The following PLCL2 variants were observed in gnomAD, a reference collection of about 807,000 sequenced individuals.
The protein encoded by PLCL2 is phospholipase C like 2.
PLCL2 carries 4 observed loss-of-function variants against 79.6 expected under a neutral mutation model. That is an observed-to-expected ratio of 0.05 (90% confidence interval 0.02 to 0.11). The LOEUF (loss-of-function observed/expected upper bound fraction) is 0.11, where lower values mean the gene tolerates loss of function less well. Among genes scored for constraint, PLCL2 ranks in the 10% least tolerant of loss-of-function variants. PLCL2 has a pLI of 1.00. For synonymous variants in PLCL2, 484 were observed against 457.7 expected (o/e 1.06, Z -0.73); for missense variants, 895 against 1,291.0 (o/e 0.69, Z 4.70).
intron 1 of PLCL2, among the ~76,000 whole-genome samples, chr3:16,995,753 C>G (rs901578355): frequency 1.3e-5 from 2 of 152,126 alleles, no homozygotes; most frequent in African/African-American, 4.8e-5. Flanking sequence ...TTAGACAACT[C>G]TATGTGTAAT....
At chr3:16,974,132 G>C (rs1332252404) in intron 1 of PLCL2, among the ~76,000 whole-genome samples, 4 of 152,176 alleles carry the variant, frequency 2.6e-5, no homozygotes, top group African/African-American at 9.7e-5. Flanking sequence ...GAGTGAGGCA[G>C]GGCATGAGCC....
At chr3:16,951,143 A>T (rs984186054) in intron 1 of PLCL2, among the ~76,000 whole-genome samples, 1 of 152,090 alleles carries the variant, frequency 6.6e-6, no homozygotes, top group African/African-American at 2.4e-5. Context: ...TGAGTAGTTT[A>T]TGTAACATAG....
chr3:16,933,822 C>G (rs915935242), intron 1 of PLCL2, among the ~76,000 whole-genome samples: 3 of 151,994 alleles, frequency 2.0e-5, no homozygotes, highest in Non-Finnish European at 2.9e-5. Context: ...AATCCCAGCT[C>G]TCTTGGAGGC....
At chr3:17,003,111 G>T (rs369795823) in intron 1 of PLCL2, among the ~76,000 whole-genome samples, 1 of 152,032 alleles carries the variant, frequency 6.6e-6, no homozygotes, top group Non-Finnish European at 1.5e-5. Context: ...TGGCTCTGTT[G>T]ATTGCTTTAT....
intron 1 of PLCL2, among the ~76,000 whole-genome samples, chr3:16,926,957 G>A (rs1697271638): frequency 6.6e-6 from 1 of 151,898 alleles, no homozygotes; most frequent in South Asian, 2.1e-4. Context: ...AAGGAAGAAC[G>A]GGAAGTGGGT....
chr3:17,052,255 T>C (rs201595125), intron 4 of PLCL2, among the ~76,000 whole-genome samples: 2 of 126,434 alleles, frequency 1.6e-5, no homozygotes, highest in African/African-American at 5.9e-5. Flanking sequence ...AAAAAAAAAT[T>C]GGGGGGGGGT....
chr3:17,014,903 T>C lies in PLCL2; in HGVS notation c.3010T>C (p.Tyr1004His). Residue 1004 changes from tyrosine (Y) to histidine (H), a missense_variant, in exon 3 of 6, where the codon TAT (tyrosine) becomes CAT (histidine). Around this residue, in one of 6 missense-constraint regions of PLCL2, gnomAD observed 298 missense variants for 459.6 expected, o/e 0.65. Transcript: ENST00000615277. ...PEVLKKIVTT[Y>H]DMMIQSLKAL... ...GGTTCTGAAGAAGATCGTAACAACT[T>C]ATGACATGGTGAGTTGTCCTTTGTC... 1 of 1,612,522 alleles carries C rather than the reference T, an allele frequency of 6.2e-7. No homozygotes were observed. The highest frequency in any genetic ancestry group is 8.5e-7 in the Non-Finnish European group (1 of 1,178,658).
chr3:16,915,219 A>C (rs1473737306), intron 1 of PLCL2, among the ~76,000 whole-genome samples: 1 of 152,202 alleles, frequency 6.6e-6, no homozygotes, highest in East Asian at 1.9e-4. Context: ...TCTTCTCGCT[A>C]TGAGGTTCAT....
At chr3:17,074,696 A>C (rs1358766031) in intron 5 of PLCL2, among the ~76,000 whole-genome samples, 1 of 152,214 alleles carries the variant, frequency 6.6e-6, no homozygotes, top group Non-Finnish European at 1.5e-5. Flanking sequence ...TGGGTAACTC[A>C]CTGCACCTTC....
chr3:16,945,791 A>G (rs1256355227), intron 1 of PLCL2, among the ~76,000 whole-genome samples: 1 of 152,244 alleles, frequency 6.6e-6, no homozygotes, highest in Non-Finnish European at 1.5e-5. Flanking sequence ...GCAAATTTGT[A>G]GACCCTGGGG....
At chr3:16,931,427 T>C (rs756006764) in intron 1 of PLCL2, among the ~76,000 whole-genome samples, 13 of 152,144 alleles carry the variant, frequency 8.5e-5, no homozygotes, top group East Asian at 1.9e-4. Flanking sequence ...CATTCTCTCC[T>C]CTCCCTTAGA....
intron 1 of PLCL2, among the ~76,000 whole-genome samples, chr3:16,925,830 A>G (rs1435496322): frequency 6.6e-6 from 1 of 152,192 alleles, no homozygotes; most frequent in Non-Finnish European, 1.5e-5. Flanking sequence ...TGCTGCTATG[A>G]TCATTAGTAT....
intron 1 of PLCL2, among the ~76,000 whole-genome samples, chr3:16,994,981 G>A (rs1341719200): frequency 1.3e-5 from 2 of 152,266 alleles, no homozygotes; most frequent in Admixed American, 6.5e-5. Context: ...GTCCAAAGGT[G>A]TGTGGTGAGC....
At chr3:16,960,613 C>T (rs964576) in intron 1 of PLCL2, among the ~76,000 whole-genome samples, 27,207 of 152,086 alleles carry the variant, frequency 0.18, 2,988 homozygotes, top group East Asian at 0.53. Context: ...CCTGCTTCAC[C>T]CCATTCTTAG....
chr3:16,942,492 T>C (rs2063559282), intron 1 of PLCL2, among the ~76,000 whole-genome samples: 2 of 152,102 alleles, frequency 1.3e-5, no homozygotes, highest in Non-Finnish European at 2.9e-5. Flanking sequence ...TCCCAGGTGC[T>C]CACTGATGGA....
intron 3 of PLCL2, among the ~76,000 whole-genome samples, chr3:17,022,826 A>T (rs1374337732): frequency 6.6e-6 from 1 of 152,194 alleles, no homozygotes; most frequent in Non-Finnish European, 1.5e-5. Context: ...AAGAAAATGT[A>T]ACTTTCTTAC....
At chr3:16,953,611 T>G (rs1041730008) in intron 1 of PLCL2, among the ~76,000 whole-genome samples, 1 of 152,166 alleles carries the variant, frequency 6.6e-6, no homozygotes, top group Non-Finnish European at 1.5e-5. Flanking sequence ...TGGTTGGAAT[T>G]TAGTCATTTC....
intron 5 of PLCL2, among the ~76,000 whole-genome samples, chr3:17,072,865 A>C (rs917691181): frequency 1.3e-5 from 2 of 152,130 alleles, no homozygotes; most frequent in African/African-American, 4.8e-5. Flanking sequence ...CTTTCCTGCA[A>C]CCTACAGGAA....
At chr3:17,050,409 A>G (rs533791254) in intron 4 of PLCL2, among the ~76,000 whole-genome samples, 4 of 152,224 alleles carry the variant, frequency 2.6e-5, no homozygotes, top group African/African-American at 9.6e-5. Context: ...CAAGGAATTA[A>G]TAACCCGAGT....
Sources: allele counts gnomAD v4.1 joint callset (sites outside exome capture counted in the v4.1 genomes callset), GRCh38; gene constraint gnomAD v4.1.1; regional missense constraint gnomAD v4.1.1; transcripts MANE v1.5; gene names NCBI Gene and HGNC (gene_info 2026-07-23, HGNC 2026-07-21).